Variants in MYRIP observed in about 807,000 individuals in gnomAD.
MYRIP encodes rab effector MyRIP.
A neutral mutation model predicts 98.0 loss-of-function variants in MYRIP; 49 were observed. The ratio of observed to expected loss-of-function variants is 0.50; its 90% CI spans 0.40 to 0.63. MYRIP has a LOEUF of 0.63. Ranked by LOEUF, MYRIP falls within the 30% of genes least tolerant of loss-of-function variation. MYRIP has a pLI of 0.00. For synonymous variants in MYRIP, 404 were observed against 409.5 expected, an observed-to-expected ratio of 0.99 and a Z score of 0.16; for missense variants, 1,004 against 1,058.2, an observed-to-expected ratio of 0.95 and a Z score of 0.71.
intron 1 of MYRIP, among the ~76,000 whole-genome samples, chr3:39,885,971 T>A (rs894278557): frequency 1.3e-5 from 2 of 152,142 alleles, no homozygotes; most frequent in African/African-American, 4.8e-5. Context: ...AGTAATTTGA[T>A]CATCTGAAGC....
chr3:40,163,415 C>G (rs1270270064), intron 5 of MYRIP, among the ~76,000 whole-genome samples: 1 of 152,160 alleles, frequency 6.6e-6, no homozygotes, highest in Non-Finnish European at 1.5e-5. Flanking sequence ...GCCCAGATAG[C>G]TGGTAAAACC....
chr3:40,106,749 AT>A, intron 3 of MYRIP, among the ~76,000 whole-genome samples: 1 of 152,182 alleles, frequency 6.6e-6, no homozygotes, highest in South Asian at 2.1e-4. Context: ...TATTCAGCCT[AT>A]TATATTTTAA....
At chr3:39,809,402 C>T (rs1466589024), upstream of MYRIP, among the ~76,000 whole-genome samples, 1 of 148,774 alleles carries the variant, frequency 6.7e-6, no homozygotes. Context: ...CCCCGCCCCT[C>T]CCGGCGCGTG....
At chr3:40,128,752 GT>G (rs2125916482) in intron 3 of MYRIP, among the ~76,000 whole-genome samples, 1 of 152,276 alleles carries the variant, frequency 6.6e-6, no homozygotes, top group African/African-American at 2.4e-5. Context: ...CATTCTTACA[GT>G]TTTCAGGAGG....
intron 2 of MYRIP, among the ~76,000 whole-genome samples, chr3:39,996,513 G>A (rs960775875): frequency 3.9e-5 from 6 of 152,066 alleles, no homozygotes; most frequent in Non-Finnish European, 8.8e-5. Context: ...CCCAATACAG[G>A]AGCACCCAGA....
chr3:39,972,439 A>C (rs1264182006), intron 2 of MYRIP, among the ~76,000 whole-genome samples: 2 of 152,086 alleles, frequency 1.3e-5, no homozygotes, highest in African/African-American at 4.8e-5. Flanking sequence ...CAGTGACATG[A>C]AATAATTTTA....
intron 4 of MYRIP, among the ~76,000 whole-genome samples, chr3:40,158,535 A>G (rs1037529443): frequency 2.2e-4 from 33 of 152,216 alleles, no homozygotes; most frequent in African/African-American, 7.5e-4. Flanking sequence ...AGCTGAGTTC[A>G]ATTCCTGGGT....
At chr3:40,250,842 A>G (rs1953353860) in intron 15 of MYRIP, among the ~76,000 whole-genome samples, 1 of 152,248 alleles carries the variant, frequency 6.6e-6, no homozygotes, top group South Asian at 2.1e-4. Flanking sequence ...GCTGCACCTC[A>G]GAGTTTTCTG....
At chr3:40,124,780 C>T (rs1274873891) in intron 3 of MYRIP, among the ~76,000 whole-genome samples, 1 of 152,184 alleles carries the variant, frequency 6.6e-6, no homozygotes, top group African/African-American at 2.4e-5. Context: ...CAGCTAGGAT[C>T]TGCACATAAA....
rs1470134335 is a variant in MYRIP at position 40,044,108 on chromosome 3, C to T, written c.169C>T (p.Gln57Ter). ...CAAGTGCAGCATCCTCTCGAAGCAC[C>T]AGCAGTTTGTGGAGCACTGCTGCAT... ...GSKCSILSKH[Q>*]QFVEHCCMRC... is the part of the protein sequence containing the mutation. The change falls in exon 3 of 17, where the codon CAG becomes TAG. Residue 57 changes from glutamine to a stop codon, truncating the protein, a stop_gained. Transcript: ENST00000302541. LOFTEE classifies it high-confidence loss of function. 9.9e-6 allele frequency: 16 copies of T among 1,614,026 alleles called. No homozygotes were observed. The highest frequency in any genetic ancestry group is 1.4e-5 in the Non-Finnish European group (16 of 1,180,024).
intron 8 of MYRIP, among the ~76,000 whole-genome samples, chr3:40,180,517 G>A (rs1950859888): frequency 6.6e-6 from 1 of 152,222 alleles, no homozygotes. Flanking sequence ...GCCCAGTTGG[G>A]GAAGGGGGCA....
intron 3 of MYRIP, among the ~76,000 whole-genome samples, chr3:40,062,364 G>A (rs750269937): frequency 2.6e-5 from 4 of 152,076 alleles, no homozygotes; most frequent in African/African-American, 4.8e-5. Context: ...TCCTTTCCCC[G>A]TTGCTTGTTT....
rs1332086183 is a variant in MYRIP, at chr3:40,243,915, A to T, written c.2101-531A>T. 3.3e-5 allele frequency among the ~76,000 whole-genome samples: 5 copies of T among 152,228 alleles called. No homozygotes were observed. In the South Asian group the frequency reaches 6.2e-4, roughly 19 times the overall value. On this transcript the variant is annotated intron_variant, in intron 12 of 16. Coordinates refer to ENST00000302541, the MANE Select transcript of MYRIP (RefSeq NM_015460.4). ...ACTATTTTCTAAGAAATATTTTTCT[A>T]TTACAAACTTCAGGTTTATTTTAAT... is the stretch of plus-strand genomic sequence containing the variant.
chr3:40,000,026 T>C (rs956655024), intron 2 of MYRIP, among the ~76,000 whole-genome samples: 1 of 93,530 alleles, frequency 1.1e-5, no homozygotes, highest in South Asian at 4.1e-4. Context: ...GGGCCTGTTG[T>C]GGGAGGAGGG....
chr3:40,206,406 C>G (rs1054594806), intron 10 of MYRIP, among the ~76,000 whole-genome samples: 4 of 152,094 alleles, frequency 2.6e-5, no homozygotes, highest in African/African-American at 9.7e-5. Context: ...GGCATCAGAT[C>G]TGTGTGCATA....
At chr3:40,187,733 C>T in intron 9 of MYRIP, among the ~76,000 whole-genome samples, 1 of 152,192 alleles carries the variant, frequency 6.6e-6, no homozygotes, top group East Asian at 1.9e-4. Flanking sequence ...GGGACCTTGT[C>T]CTCATACTCA....
intron 3 of MYRIP, among the ~76,000 whole-genome samples, chr3:40,062,382 C>T (rs1216864702): frequency 6.6e-6 from 1 of 152,130 alleles, no homozygotes; most frequent in East Asian, 1.9e-4. Context: ...TTTTTGTCAG[C>T]TTTGTTGAAG....
intron 3 of MYRIP, among the ~76,000 whole-genome samples, chr3:40,096,224 A>G (rs1032385201): frequency 2.0e-5 from 3 of 152,056 alleles, no homozygotes; most frequent in African/African-American, 7.2e-5. Context: ...TCACGCTCTC[A>G]CAGAGTGCCT....
At chr3:40,142,486 A>T (rs1949925502) in intron 3 of MYRIP, among the ~76,000 whole-genome samples, 1 of 152,036 alleles carries the variant, frequency 6.6e-6, no homozygotes, top group South Asian at 2.1e-4. Context: ...TTTTTTTTAT[A>T]GGATCTGGCT....
Sources: gnomAD v4.1 joint callset for allele counts (sites outside exome capture counted in the v4.1 genomes callset) on GRCh38, gnomAD v4.1.1 for gene constraint, MANE v1.5 for transcripts, NCBI Gene and HGNC (gene_info 2026-07-23, HGNC 2026-07-21) for gene names.